AOAH: variants seen among roughly 807,000 people sequenced by gnomAD.
AOAH encodes the protein acyloxyacyl hydrolase, also known as acyloxyacyl hydrolase (neutrophil).
A neutral mutation model predicts 92.2 loss-of-function variants in AOAH; 64 were observed. The observed-to-expected ratio is 0.69, with a 90% confidence interval of 0.57 to 0.86. The LOEUF (loss-of-function observed/expected upper bound fraction) is 0.86. Among genes scored for constraint, AOAH ranks in the 40% least tolerant of loss-of-function variants. The pLI, the probability that AOAH is intolerant of heterozygous loss-of-function variation, is 0.00. For synonymous variants in AOAH, 263 were observed against 254.5 expected (o/e 1.03, Z -0.32); for missense variants, 656 against 694.6 (o/e 0.94, Z 0.62).
chr7:36,691,441 T>C (rs1415780328), intron 1 of AOAH, among the ~76,000 whole-genome samples: 1 of 152,194 alleles, frequency 6.6e-6, no homozygotes, highest in East Asian at 1.9e-4. Flanking sequence ...GTGAATCTCA[T>C]TGCACCTTAC....
intron 11 of AOAH, among the ~76,000 whole-genome samples, chr7:36,605,908 C>CT (rs1253146301): frequency 6.6e-6 from 1 of 152,214 alleles, no homozygotes; most frequent in Non-Finnish European, 1.5e-5. Flanking sequence ...ACACAACTCT[C>CT]TTTTTCTGAC....
intron 13 of AOAH, among the ~76,000 whole-genome samples, chr7:36,561,875 G>T (rs1583824169): frequency 6.6e-6 from 1 of 152,076 alleles, no homozygotes; most frequent in Non-Finnish European, 1.5e-5. Flanking sequence ...CCCTTCCTGC[G>T]CTCACACCCC....
At chr7:36,694,938 G>C (rs1797623513) in intron 1 of AOAH, among the ~76,000 whole-genome samples, 1 of 109,982 alleles carries the variant, frequency 9.1e-6, no homozygotes, top group Non-Finnish European at 1.9e-5. Context: ...GATAGGGAGA[G>C]AGGGAGAGAA....
intron 19 of AOAH, 38 bp from the exon 20 acceptor site, chr7:36,522,153 G>C (rs746486481): frequency 6.3e-7 from 1 of 1,597,234 alleles, no homozygotes; most frequent in East Asian, 2.2e-5. Flanking sequence ...AGACACACTT[G>C]CACAAGCAAC....
intron 4 of AOAH, among the ~76,000 whole-genome samples, chr7:36,655,117 C>A (rs1352100198): frequency 1.3e-5 from 2 of 152,170 alleles, no homozygotes; most frequent in African/African-American, 4.8e-5. Flanking sequence ...GCCTGCCCAC[C>A]CCCATGTGCT....
At chr7:36,616,295 G>C (rs775970127) in intron 11 of AOAH, 85 bp downstream of exon 11, 191 of 1,053,428 alleles carry the variant, frequency 1.8e-4, no homozygotes, top group Non-Finnish European at 2.5e-4. Context: ...CACCTGTGTG[G>C]AGTTGGCATC....
At chr7:36,646,363 T>C (rs1239352127) in intron 4 of AOAH, among the ~76,000 whole-genome samples, 1 of 152,230 alleles carries the variant, frequency 6.6e-6, no homozygotes, top group East Asian at 1.9e-4. Flanking sequence ...TACTAGGCTC[T>C]GTGGTCTATT....
At chr7:36,549,162 T>C (rs1313814421) in intron 14 of AOAH, among the ~76,000 whole-genome samples, 1 of 152,204 alleles carries the variant, frequency 6.6e-6, no homozygotes, top group African/African-American at 2.4e-5. Flanking sequence ...TAAAAAATGT[T>C]TTCTCATTCA....
chr7:36,606,404 A>G (rs1345923688), intron 11 of AOAH, among the ~76,000 whole-genome samples: 2 of 152,210 alleles, frequency 1.3e-5, no homozygotes, highest in Non-Finnish European at 1.5e-5. Context: ...TTAAGGATTC[A>G]TTTTGTCCTT....
intron 1 of AOAH, among the ~76,000 whole-genome samples, chr7:36,692,084 T>C (rs192434336): frequency 1.3e-5 from 2 of 152,320 alleles, no homozygotes; most frequent in Non-Finnish European, 2.9e-5. Context: ...TATCTTGGGC[T>C]CATAAATGAT....
chr7:36,516,401 GATACCACACACACCCCCACAGAAAGCA>G lies in AOAH; in HGVS notation c.1600-3048_1600-3022del, dbSNP rs1783710364. On this transcript the variant is annotated intron_variant, in intron 20 of 20. Transcript: ENST00000617537. This position sits in a 1 kb window ranked among gnomAD's most constrained non-coding sequence, Gnocchi z 5.0. ...CACACACCCCCACAGAAAGCACACA[GATACCACACACACCCCCACAGAAAGCA>G]CGCAGATACCCCCCCCACACACACA... 1.0e-5 allele frequency among the ~76,000 whole-genome samples: 1 copy of G among 97,822 alleles called. No homozygotes were observed. The highest frequency in any genetic ancestry group is 4.1e-5 in the African/African-American group (1 of 24,098). 64.2% of individuals were successfully genotyped at this position (97,822 alleles called of 152,430 possible).
intron 3 of AOAH, among the ~76,000 whole-genome samples, chr7:36,667,890 C>G (rs564623490): frequency 1.3e-5 from 2 of 152,280 alleles, no homozygotes; most frequent in East Asian, 3.9e-4. Flanking sequence ...TTGATTAATG[C>G]TAGCATGGTA....
rs1785337679 is a variant in AOAH at position 36,540,335 on chromosome 7, G to A, written c.1290C>T (p.Asn430=). 1 of 1,613,186 alleles carries A rather than the reference G, an allele frequency of 6.2e-7. No homozygotes were observed. The highest frequency in any genetic ancestry group is 8.5e-7 in the Non-Finnish European group (1 of 1,179,558). Residue 430 remains asparagine, a synonymous_variant, in exon 16 of 21, where the codon AAC becomes AAT. Transcript: ENST00000617537. The part of the protein sequence containing the change: ...DGTFLWDNLH[N]RYHPLGQLNK... ...AACTGATACCGAGAGGATGATATCT[G>A]TTGTGCAAATTATCCCAGAGAAAGG... is the stretch of plus-strand genomic sequence containing the variant.
chr7:36,710,264 T>C (rs1798678110), intron 1 of AOAH, among the ~76,000 whole-genome samples: 1 of 152,156 alleles, frequency 6.6e-6, no homozygotes, highest in Admixed American at 6.5e-5. Context: ...TTTTCCTAGA[T>C]GGGCCAGGCA....
intron 11 of AOAH, chr7:36,598,102 C>T (rs1397320671): frequency 6.6e-6 from 1 of 152,114 alleles, no homozygotes; most frequent in African/African-American, 2.4e-5. Context: ...CTCCATGTTG[C>T]TAACACTCTC....
chr7:36,594,908 T>C (rs986851565), intron 11 of AOAH, among the ~76,000 whole-genome samples: 5 of 152,126 alleles, frequency 3.3e-5, no homozygotes, highest in South Asian at 4.1e-4. Context: ...GTCTCAGACA[T>C]TTTTGAGAAT....
At chr7:36,652,529 G>A (rs1230730500) in intron 4 of AOAH, among the ~76,000 whole-genome samples, 4 of 152,174 alleles carry the variant, frequency 2.6e-5, no homozygotes, top group Non-Finnish European at 4.4e-5. Context: ...AAAGAACTGA[G>A]TAAAGGAAAA....
chr7:36,544,898 C>T (rs1056831808), intron 15 of AOAH, among the ~76,000 whole-genome samples: 1 of 152,208 alleles, frequency 6.6e-6, no homozygotes, highest in African/African-American at 2.4e-5. Context: ...TAGCTAAAGC[C>T]CAGATCACTG....
intron 11 of AOAH, among the ~76,000 whole-genome samples, chr7:36,611,089 A>G (rs934641472): frequency 3.9e-5 from 6 of 152,232 alleles, no homozygotes; most frequent in African/African-American, 1.2e-4. Context: ...CATCCTGAGC[A>G]AAATGGATCT....
Sources: allele counts gnomAD v4.1 joint callset (sites outside exome capture counted in the v4.1 genomes callset), GRCh38; gene constraint gnomAD v4.1.1; non-coding constraint Gnocchi (gnomAD v3.1); transcripts MANE v1.5; gene names NCBI Gene and HGNC (gene_info 2026-07-23, HGNC 2026-07-21).